The following LPXN variants were observed in gnomAD, a reference collection of about 807,000 sequenced individuals.
LPXN encodes the protein leupaxin.
In LPXN, 28 loss-of-function variants were observed where a neutral mutation model predicts 45.6. The ratio of observed to expected loss-of-function variants is 0.61; its 90% CI spans 0.45 to 0.84. LPXN has a LOEUF of 0.84. Among genes scored for constraint, LPXN ranks in the 40% least tolerant of loss-of-function variants. The pLI is 0.00. For missense variants in LPXN, 459 were observed against 475.0 expected, an observed-to-expected ratio of 0.97 and a Z score of 0.31; for synonymous variants, 166 against 169.9, an observed-to-expected ratio of 0.98 and a Z score of 0.18.
intron 7 of LPXN, among the ~76,000 whole-genome samples, chr11:58,547,106 G>T (rs935152861): frequency 2.0e-5 from 3 of 152,172 alleles, no homozygotes; most frequent in Non-Finnish European, 4.4e-5. Context: ...CCTGGAAAAA[G>T]TCCATAGATG....
At chr11:58,571,514 G>C (rs1019152794) in intron 1 of LPXN, among the ~76,000 whole-genome samples, 1 of 151,856 alleles carries the variant, frequency 6.6e-6, no homozygotes, top group African/African-American at 2.4e-5. Context: ...TCCTGAGCAC[G>C]TAACAAAATT....
intron 3 of LPXN, among the ~76,000 whole-genome samples, chr11:58,558,372 T>C (rs1854272484): frequency 6.6e-6 from 1 of 150,916 alleles, no homozygotes; most frequent in African/African-American, 2.4e-5. Context: ...ACCCTGTCTC[T>C]ACAAAAATTT....
chr11:58,535,734 C>T (rs1419805290), intron 7 of LPXN, among the ~76,000 whole-genome samples: 1 of 152,206 alleles, frequency 6.6e-6, no homozygotes, highest in Non-Finnish European at 1.5e-5. Context: ...CAAATTGTCT[C>T]TGTTTGCAGA....
intron 7 of LPXN, among the ~76,000 whole-genome samples, chr11:58,536,435 TTGGGA>T (rs556910908): frequency 1.3e-3 from 204 of 152,172 alleles, no homozygotes; most frequent in African/African-American, 4.6e-3. Flanking sequence ...ATAAATGGTG[TTGGGA>T]AAACTGGCTA....
upstream of LPXN, among the ~76,000 whole-genome samples, chr11:58,576,191 C>A (rs1460772116): frequency 7.0e-6 from 1 of 142,772 alleles, no homozygotes; most frequent in Non-Finnish European, 1.5e-5. Flanking sequence ...TTTTTTTTTT[C>A]TGTGAAGCTG....
intron 7 of LPXN, among the ~76,000 whole-genome samples, chr11:58,532,767 A>G (rs1243275865): frequency 2.0e-5 from 3 of 152,224 alleles, no homozygotes; most frequent in Admixed American, 6.5e-5. Flanking sequence ...GGGCCAGATA[A>G]GGGAATAAAA....
At chr11:58,567,785 C>A (rs1053514938) in intron 2 of LPXN, among the ~76,000 whole-genome samples, 20 of 152,274 alleles carry the variant, frequency 1.3e-4, no homozygotes, top group Middle Eastern at 3.4e-3. Context: ...TATTCATTAT[C>A]AGCTTTCTTG....
At chr11:58,553,335 C>CAAAAA (rs35629114) in intron 4 of LPXN, among the ~76,000 whole-genome samples, 1 of 68,410 alleles carries the variant, frequency 1.5e-5, no homozygotes, top group African/African-American at 6.7e-5. Context: ...GAATCTGTCT[C>CAAAAA]AAAAAAAAAA....
intron 7 of LPXN, among the ~76,000 whole-genome samples, chr11:58,529,578 C>A (rs1414424270): frequency 6.7e-6 from 1 of 148,414 alleles, no homozygotes; most frequent in Non-Finnish European, 1.5e-5. Flanking sequence ...CCACTGCACT[C>A]CAGCCTGGGA....
intron 7 of LPXN, among the ~76,000 whole-genome samples, chr11:58,533,863 G>A (rs1332543467): frequency 6.6e-6 from 1 of 151,904 alleles, no homozygotes; most frequent in Non-Finnish European, 1.5e-5. Flanking sequence ...AAAAAAGCAG[G>A]GGTTGCAATT....
intron 7 of LPXN, among the ~76,000 whole-genome samples, chr11:58,542,059 A>C (rs1280016075): frequency 6.6e-6 from 1 of 151,626 alleles, no homozygotes; most frequent in African/African-American, 2.4e-5. Context: ...GGGAGTGGGG[A>C]GGGATAGCAT....
intron 7 of LPXN, among the ~76,000 whole-genome samples, chr11:58,538,362 T>G (rs988708839): frequency 2.0e-5 from 3 of 152,088 alleles, no homozygotes; most frequent in African/African-American, 4.8e-5. Context: ...ACTTCCACAA[T>G]GGTTGAACTA....
chr11:58,552,597 G>C (rs1854083396), intron 4 of LPXN, among the ~76,000 whole-genome samples: 1 of 152,148 alleles, frequency 6.6e-6, no homozygotes, highest in Non-Finnish European at 1.5e-5. Context: ...TCCTGAATGT[G>C]ATCTGTTACT....
chr11:58,529,626 T>TA (rs1853327551), intron 7 of LPXN, among the ~76,000 whole-genome samples: 2 of 140,812 alleles, frequency 1.4e-5, no homozygotes, highest in Admixed American at 1.4e-4. Flanking sequence ...AAAAAAAAAG[T>TA]AAAAAAATTA....
In LPXN at chr11:58,570,717, C is replaced by T. The variant is rs201702824; in HGVS notation, c.14-4G>A. On this transcript the variant is annotated splice_polypyrimidine_tract_variant and splice_region_variant and intron_variant, in intron 1 of 8. Coordinates refer to ENST00000395074, the MANE Select transcript of LPXN (RefSeq NM_004811.3). ...TCCAGTTCCTCCAATAAGGCATCTA[C>T]ACCATAAGAAGCAAGAGAATCATGA... 1 of 1,601,700 alleles carries T rather than the reference C, an allele frequency of 6.2e-7. No individual in the cohort carries two copies. Among genetic ancestry groups the T allele is most frequent in the South Asian group, 1.1e-5 (1 of 89,534 alleles).
chr11:58,555,735 T>C (rs931151807), intron 3 of LPXN, among the ~76,000 whole-genome samples: 3 of 126,744 alleles, frequency 2.4e-5, no homozygotes, highest in Non-Finnish European at 5.1e-5. Context: ...GAAATAGCAA[T>C]GAAAACACAC....
chr11:58,560,625 C>T (rs1431620160), intron 3 of LPXN, among the ~76,000 whole-genome samples: 1 of 152,172 alleles, frequency 6.6e-6, no homozygotes, highest in East Asian at 1.9e-4. Context: ...GCCTGACACT[C>T]TATACAGAGC....
chr11:58,527,917 C>T, intron 8 of LPXN, 126 bp downstream of exon 8: 1 of 1,224,066 alleles, frequency 8.2e-7, no homozygotes, highest in Non-Finnish European at 1.2e-6. Flanking sequence ...TCTCGTTTCT[C>T]CTTTAGGATG....
rs76119673 is a variant in LPXN, at chr11:58,573,897, T to C, written c.13+1863A>G. On this transcript the variant is annotated intron_variant, in intron 1 of 8. Transcript: ENST00000395074. ...GGAGGCAGAATCTGCTCCTGGTTCC[T>C]CTTTATCTATCATGCCTAATGCCTA... is the stretch of plus-strand genomic sequence containing the variant. Among the ~76,000 whole-genome samples the C allele has an allele frequency of 2.3e-3, 343 of 152,298 alleles. 1 individual carries two copies. The highest frequency in any genetic ancestry group is 7.7e-3 in the African/African-American group (321 of 41,554).
Sources: gnomAD v4.1 joint callset for allele counts (sites outside exome capture counted in the v4.1 genomes callset) on GRCh38, gnomAD v4.1.1 for gene constraint, MANE v1.5 for transcripts, NCBI Gene and HGNC (gene_info 2026-07-23, HGNC 2026-07-21) for gene names.